Variants in ATP6V0A4 observed in about 807,000 individuals in gnomAD.
The protein encoded by ATP6V0A4 is V-type proton ATPase 116 kDa subunit a 4.
A neutral mutation model predicts 107.3 loss-of-function variants in ATP6V0A4; 86 were observed. The ratio of observed to expected loss-of-function variants is 0.80; its 90% CI spans 0.67 to 0.96. The LOEUF is 0.96. ATP6V0A4 is among the 40% of genes least tolerant of loss of function. The pLI is 0.00. For missense variants in ATP6V0A4, 908 were observed against 1,045.6 expected, an observed-to-expected ratio of 0.87 and a Z score of 1.81; for synonymous variants, 353 against 381.4, an observed-to-expected ratio of 0.93 and a Z score of 0.87.
At chr7:138,728,889 A>G in intron 17 of ATP6V0A4, 27 bp from the exon 18 acceptor site, 1 of 1,613,812 alleles carries the variant, frequency 6.2e-7, no homozygotes, top group Non-Finnish European at 8.5e-7. Flanking sequence ...GCGAGATCTC[A>G]TCATTTTCAC....
chr7:138,763,137 G>C, intron 5 of ATP6V0A4, 112 bp from the exon 6 acceptor site: 1 of 1,486,554 alleles, frequency 6.7e-7, no homozygotes, highest in Non-Finnish European at 9.1e-7. Flanking sequence ...CACATAACAT[G>C]ATTGCAGACC....
At position 138,706,602 on chromosome 7, in the gene ATP6V0A4, C is replaced by T. The variant is rs770369261; in HGVS notation, c.*22G>A. ...CTTCCTTCATTGGCATGGTGACCAC[C>T]GTGGGAGGTGCAGCCCTCAGCCTAC... On this transcript the variant is annotated 3_prime_UTR_variant, in exon 22 of 22. Coordinates refer to ENST00000310018, the MANE Select transcript of ATP6V0A4 (RefSeq NM_020632.3). The T allele has an allele frequency of 3.1e-6, 5 of 1,613,366 alleles. No homozygotes were observed. The highest frequency in any genetic ancestry group is 1.7e-5 in the Admixed American group (1 of 59,966).
In ATP6V0A4 at chr7:138,715,746, G is replaced by A. The variant is rs373563603; in HGVS notation, c.2257+18C>T. ...GTTGGGGAGAGCTGACTGTCCCCCC[G>A]ATGGGCTGCTCACTCACGTGCATGA... On this transcript the variant is annotated intron_variant, in intron 20 of 21. Transcript: ENST00000310018. 2.0e-5 allele frequency: 32 copies of A among 1,612,568 alleles called. No individual in the cohort carries two copies. The Middle Eastern group carries it at 8.3e-4, about 42-fold the overall frequency.
chr7:138,759,863 C>T lies in ATP6V0A4; in HGVS notation c.528G>A (p.Val176=). The change falls in exon 8 of 22, where the codon GTG becomes GTA. Residue 176 remains valine (V), a synonymous_variant. Coordinates refer to ENST00000310018, the MANE Select transcript of ATP6V0A4 (RefSeq NM_020632.3). The stretch of plus-strand genomic sequence containing the variant: ...AGGAAGCCATCCTCTCCCTGTTGAT[C>T]ACACCGGCTATGAACCTAGGCAGCC... ...MTGKLGFIAG[V]INRERMASFE... is the part of the protein sequence containing the mutation. 1.9e-6 allele frequency: 3 copies of T among 1,614,056 alleles called. No individual in the cohort carries two copies. The highest frequency in any genetic ancestry group is 2.5e-6 in the Non-Finnish European group (3 of 1,180,024).
intron 20 of ATP6V0A4, among the ~76,000 whole-genome samples, chr7:138,712,473 C>T (rs1232346972): frequency 6.6e-6 from 1 of 151,944 alleles, no homozygotes; most frequent in African/African-American, 2.4e-5. Context: ...CTAACCTGAC[C>T]AGTGCAGGAG....
rs538492322 is a variant in ATP6V0A4, at chr7:138,710,581, C to T, written c.2258-786G>A. ...TATATATTTTATGCATTTTTGTAAA[C>T]ATGCTATATTTCAAAGTAAAAATGT... On this transcript the variant is annotated intron_variant, in intron 20 of 21. Transcript: ENST00000310018. Among the ~76,000 whole-genome samples the T allele has an allele frequency of 8.5e-5, 13 of 152,288 alleles. No individual in the cohort carries two copies. The South Asian group carries it at 2.7e-3, about 32-fold the overall frequency.
intron 1 of ATP6V0A4, among the ~76,000 whole-genome samples, chr7:138,797,208 C>CTTTTTTTTTT (rs3842142): frequency 1.0e-5 from 1 of 96,110 alleles, no homozygotes; most frequent in Non-Finnish European, 2.1e-5. Flanking sequence ...ATGCCATTTT[C>CTTTTTTTTTT]TTTTTTTTTT....
At chr7:138,716,642 C>A (rs1584891329) in intron 19 of ATP6V0A4, among the ~76,000 whole-genome samples, 1 of 152,112 alleles carries the variant, frequency 6.6e-6, no homozygotes, top group East Asian at 1.9e-4. Context: ...TAGCTCACTG[C>A]AGCCTTGACC....
intron 2 of ATP6V0A4, chr7:138,774,179 G>A (rs1192447143): frequency 6.6e-6 from 1 of 152,222 alleles, no homozygotes; most frequent in Non-Finnish European, 1.5e-5. Context: ...AAAGTAACTT[G>A]CCCCTCAGGG....
In ATP6V0A4 at chr7:138,754,186, C is replaced by T. The variant is rs528672137; in HGVS notation, c.817-1349G>A. On this transcript the variant is annotated intron_variant, in intron 10 of 21. Transcript: ENST00000310018. ...AACACAGGCCAGGCGCAGTGGCTCA[C>T]GCCTGTAATCCCAGCACTTTGGGAG... is the stretch of plus-strand genomic sequence containing the variant. Among the ~76,000 whole-genome samples, 332 of 152,192 alleles carry T rather than the reference C, an allele frequency of 2.2e-3. 3 individuals carry two copies. The highest frequency in any genetic ancestry group is 7.4e-3 in the African/African-American group (309 of 41,534).
chr7:138,734,581 A>C (rs6963261), intron 15 of ATP6V0A4, among the ~76,000 whole-genome samples: 1 of 151,512 alleles, frequency 6.6e-6, no homozygotes, highest in African/African-American at 2.4e-5. Flanking sequence ...GTTCGAGACC[A>C]GTCTGGTCAA....
At chr7:138,706,825 A>G in intron 21 of ATP6V0A4, 108 bp from the exon 22 acceptor site, 1 of 1,538,274 alleles carries the variant, frequency 6.5e-7, no homozygotes, top group Non-Finnish European at 8.7e-7. Flanking sequence ...AAAATCAAGC[A>G]CAAAGTCAGA....
intron 20 of ATP6V0A4, among the ~76,000 whole-genome samples, chr7:138,714,953 T>C (rs1803955436): frequency 6.6e-6 from 1 of 152,176 alleles, no homozygotes; most frequent in Non-Finnish European, 1.5e-5. Flanking sequence ...ATGTCATCAC[T>C]AGAGTCTTTG....
chr7:138,727,249 C>G (rs1345430140), intron 18 of ATP6V0A4, among the ~76,000 whole-genome samples: 1 of 151,962 alleles, frequency 6.6e-6, no homozygotes, highest in African/African-American at 2.4e-5. Context: ...GGTGAATAGC[C>G]ACTGCACTCT....
At position 138,744,952 on chromosome 7, in the gene ATP6V0A4, C is replaced by T. The variant is rs148695337; in HGVS notation, c.1478+171G>A. 1.8e-3 allele frequency among the ~76,000 whole-genome samples: 269 copies of T among 152,342 alleles called. 2 individuals are homozygous for T. The highest frequency in any genetic ancestry group is 6.2e-3 in the African/African-American group (258 of 41,580). The stretch of plus-strand genomic sequence containing the variant: ...TCCTAACCTCAGGTGATCCACCTGC[C>T]TCAGCCTCCCAGAGCACTGGGATTA... On this transcript the variant is annotated intron_variant, in intron 14 of 21. Transcript: ENST00000310018.
intron 16 of ATP6V0A4, among the ~76,000 whole-genome samples, chr7:138,733,317 G>T (rs1368452048): frequency 6.8e-6 from 1 of 146,244 alleles, no homozygotes; most frequent in Non-Finnish European, 1.5e-5. Flanking sequence ...GCACAAAAGA[G>T]TCAGAGAGAA....
Position 138,785,808 on chromosome 7 carries a change from G to A in ATP6V0A4, c.-18+350C>T, listed in dbSNP as rs562150916. Among the ~76,000 whole-genome samples, 15 of 152,290 alleles carry A rather than the reference G, an allele frequency of 9.8e-5. No individual in the cohort carries two copies. The South Asian group carries it at 2.9e-3, about 29-fold the overall frequency. On this transcript the variant is annotated intron_variant, in intron 2 of 21. Coordinates refer to ENST00000310018, the MANE Select transcript of ATP6V0A4 (RefSeq NM_020632.3). ...GCAATTCATTGATAGTAAGGTCCAA[G>A]AGTTCATGAATCAGCACACTGAGAT...
intron 2 of ATP6V0A4, among the ~76,000 whole-genome samples, chr7:138,782,929 G>T (rs567909429): frequency 6.6e-6 from 1 of 152,196 alleles, no homozygotes; most frequent in African/African-American, 2.4e-5. Context: ...ACAAAAATTA[G>T]CTGGGCGTGG....
chr7:138,752,910 T>C, intron 10 of ATP6V0A4, 73 bp from the exon 11 acceptor site: 2 of 1,584,634 alleles, frequency 1.3e-6, no homozygotes, highest in Non-Finnish European at 1.7e-6. Context: ...AAAAATGGAG[T>C]GTCACAGGCC....
Sources: gnomAD v4.1 joint callset for allele counts (sites outside exome capture counted in the v4.1 genomes callset) on GRCh38, gnomAD v4.1.1 for gene constraint, MANE v1.5 for transcripts, NCBI Gene and HGNC (gene_info 2026-07-23, HGNC 2026-07-21) for gene names.